Variants in MYRFL observed in about 807,000 individuals in gnomAD.
MYRFL encodes the protein myelin regulatory factor-like protein.
A neutral mutation model predicts 109.4 loss-of-function variants in MYRFL; 88 were observed. That is an observed-to-expected ratio of 0.80 (90% CI 0.68 to 0.96). MYRFL has a LOEUF of 0.96. MYRFL is among the 40% of genes least tolerant of loss of function. The probability of loss-of-function intolerance (pLI) is 0.00; values close to 1 mark genes in which losing one functional copy is unlikely to be tolerated. For missense variants in MYRFL, 957 were observed against 954.9 expected (o/e 1.00, Z -0.03); for synonymous variants, 324 against 320.9 (o/e 1.01, Z -0.10).
chr12:69,876,480 A>C (rs76186641), intron 2 of MYRFL, among the ~76,000 whole-genome samples: 22,642 of 151,998 alleles, frequency 0.15, 1,923 homozygotes, highest in South Asian at 0.23. Flanking sequence ...AGGGGGAAAA[A>C]AAAACGAAAA....
rs1202519302 is a variant in MYRFL at position 69,955,455 on chromosome 12, A to G, written c.2450+18A>G. On this transcript the variant is annotated intron_variant, in intron 22 of 24. Coordinates refer to ENST00000552032, the MANE Select transcript of MYRFL (RefSeq NM_182530.3). ...GAAATAAAGTAAGTGCATGGCTGTA[A>G]AAAACAATTTCATTTTTATCATTAG... 4 of 581,326 alleles carry G rather than the reference A, an allele frequency of 6.9e-6. No homozygotes were observed. The highest frequency in any genetic ancestry group is 1.2e-5 in the Non-Finnish European group (4 of 330,430). The allele number at this position is 581,326 out of a possible 1,614,324, so 36.0% of individuals were successfully genotyped here.
At chr12:69,873,765 T>G (rs1228630670) in intron 2 of MYRFL, among the ~76,000 whole-genome samples, 1 of 152,242 alleles carries the variant, frequency 6.6e-6, no homozygotes, top group East Asian at 1.9e-4. Context: ...TGTGGGTAAC[T>G]GAAACCTTAG....
At chr12:69,857,732 C>T (rs1321278041) in intron 2 of MYRFL, among the ~76,000 whole-genome samples, 1 of 151,370 alleles carries the variant, frequency 6.6e-6, no homozygotes, top group Non-Finnish European at 1.5e-5. Flanking sequence ...TTAATTAAGT[C>T]ATTTATTAGT....
At chr12:69,926,837 G>A (rs1955100998) in intron 14 of MYRFL, 103 bp downstream of exon 14, 5 of 1,037,148 alleles carry the variant, frequency 4.8e-6, no homozygotes, top group East Asian at 3.2e-5. Context: ...AACAGCAACC[G>A]CTACTTTCTG....
intron 10 of MYRFL, among the ~76,000 whole-genome samples, chr12:69,897,720 A>G (rs970809858): frequency 2.3e-4 from 35 of 152,200 alleles, no homozygotes; most frequent in African/African-American, 7.5e-4. Flanking sequence ...CTAATCCATG[A>G]TCTCATGAAT....
intron 1 of MYRFL, among the ~76,000 whole-genome samples, chr12:69,853,730 G>GCAAT (rs1884070026): frequency 6.8e-6 from 1 of 146,298 alleles, no homozygotes; most frequent in African/African-American, 2.6e-5. Context: ...GGGAAGAGGC[G>GCAAT]CTCCTCACTT....
chr12:69,943,950 C>T (rs1955750181), intron 19 of MYRFL, among the ~76,000 whole-genome samples: 1 of 149,148 alleles, frequency 6.7e-6, no homozygotes, highest in African/African-American at 2.5e-5. Flanking sequence ...TCATCACTGG[C>T]CATCAGAGAA....
At chr12:69,829,652 G>A (rs1472813423) in intron 1 of MYRFL, among the ~76,000 whole-genome samples, 1 of 152,170 alleles carries the variant, frequency 6.6e-6, no homozygotes, top group Admixed American at 6.5e-5. Context: ...CACCCAGCAA[G>A]TTCAACTGTA....
intron 7 of MYRFL, among the ~76,000 whole-genome samples, chr12:69,892,311 T>A (rs750655406): frequency 5.3e-5 from 8 of 152,230 alleles, no homozygotes; most frequent in Non-Finnish European, 1.2e-4. Context: ...GGAGGTAATA[T>A]GACTTCTGAG....
At chr12:69,958,110 G>A (rs1032606637) in intron 23 of MYRFL, 139 bp from the exon 24 acceptor site, 2 of 1,175,674 alleles carry the variant, frequency 1.7e-6, no homozygotes, top group South Asian at 1.6e-5. Context: ...TGCTAGGACT[G>A]TTCTAGCAAC....
intron 1 of MYRFL, among the ~76,000 whole-genome samples, chr12:69,852,579 A>ATTTTTTTTTTTTTTTTTTT (rs61145700): frequency 1.8e-5 from 2 of 112,212 alleles, no homozygotes; most frequent in Non-Finnish European, 3.6e-5. Context: ...TTAATTTTTA[A>ATTTTTTTTTTTTTTTTTTT]TTTTTTTTTT....
chr12:69,863,835 G>A (rs1254752841), intron 2 of MYRFL, among the ~76,000 whole-genome samples: 1 of 152,084 alleles, frequency 6.6e-6, no homozygotes, highest in East Asian at 1.9e-4. Context: ...GAGCAGATTT[G>A]TTGGTGATAG....
At position 69,936,206 on chromosome 12, in the gene MYRFL, T is replaced by A; in HGVS notation, c.1991+19T>A. ...CTCCAAGGTGAGAGTTCAGTTCAAT[T>A]TTCTGGCCTAAAATTCCTTTGGAGA... On this transcript the variant is annotated intron_variant, in intron 17 of 24. Transcript: ENST00000552032. The A allele has an allele frequency of 6.5e-7, 1 of 1,535,264 alleles. No individual in the cohort carries two copies.
chr12:69,847,731 A>C (rs1335315677), intron 1 of MYRFL, among the ~76,000 whole-genome samples: 1 of 152,206 alleles, frequency 6.6e-6, no homozygotes, highest in Non-Finnish European at 1.5e-5. Flanking sequence ...TAAGACAACT[A>C]TGATTTTTGC....
At chr12:69,943,330 CAG>C (rs1955724761) in intron 19 of MYRFL, among the ~76,000 whole-genome samples, 1 of 149,090 alleles carries the variant, frequency 6.7e-6, no homozygotes, top group African/African-American at 2.5e-5. Context: ...GGTACCAAAA[CAG>C]AGATATAGAT....
At position 69,935,241 on chromosome 12, in the gene MYRFL, G is replaced by A. The variant is rs560259262; in HGVS notation, c.1917-872G>A. 9.2e-5 allele frequency among the ~76,000 whole-genome samples: 14 copies of A among 152,158 alleles called. No homozygotes were observed. The East Asian group carries it at 2.5e-3, about 27-fold the overall frequency. ...GTAAATCCAGCACCTTTGATGGGAA[G>A]CAAAATAATGAGGAGTCAAGTTTGG... On this transcript the variant is annotated intron_variant, in intron 16 of 24. Transcript: ENST00000552032.
rs192721285 is a variant in MYRFL at position 69,945,783 on chromosome 12, C to A, written c.2225-6330C>A. Among the ~76,000 whole-genome samples, 12 of 151,188 alleles carry A rather than the reference C, an allele frequency of 7.9e-5. No homozygotes were observed. In the East Asian group the frequency reaches 2.3e-3, roughly 29 times the overall value. On this transcript the variant is annotated intron_variant, in intron 19 of 24. Coordinates refer to ENST00000552032, the MANE Select transcript of MYRFL (RefSeq NM_182530.3). Reference sequence around the variant, plus strand: ...CGGGCGGATCACGAGGTCAGGAGATCGAGACCATCCTGGCTAAAACGGTGA... The same window carrying A: ...CGGGCGGATCACGAGGTCAGGAGATAGAGACCATCCTGGCTAAAACGGTGA...
Position 69,938,868 on chromosome 12 carries a change from T to C in MYRFL, c.2224+2236T>C, listed in dbSNP as rs1955549551. 2.6e-5 allele frequency among the ~76,000 whole-genome samples: 4 copies of C among 152,014 alleles called. No individual in the cohort carries two copies. In the South Asian group the frequency reaches 8.3e-4, roughly 32 times the overall value. On this transcript the variant is annotated intron_variant, in intron 19 of 24. Coordinates refer to ENST00000552032, the MANE Select transcript of MYRFL (RefSeq NM_182530.3). ...GCGCGAGCCGAAGCAGGGCGAGGCATTGCCTCACCCGGGAAGCGCAGGGTT... is the reference window on the plus strand; with the variant it reads ...GCGCGAGCCGAAGCAGGGCGAGGCACTGCCTCACCCGGGAAGCGCAGGGTT...
chr12:69,902,244 C>A (rs1039836187), intron 10 of MYRFL, among the ~76,000 whole-genome samples: 2 of 152,166 alleles, frequency 1.3e-5, no homozygotes, highest in African/African-American at 4.8e-5. Flanking sequence ...GTCTTCCAAG[C>A]AGCTCAGGGT....
Sources: allele counts gnomAD v4.1 joint callset (sites outside exome capture counted in the v4.1 genomes callset), GRCh38; gene constraint gnomAD v4.1.1; transcripts MANE v1.5; gene names NCBI Gene and HGNC (gene_info 2026-07-23, HGNC 2026-07-21).